The following PDGFD variants were observed in gnomAD, a reference collection of about 807,000 sequenced individuals.
PDGFD encodes platelet derived growth factor D.
PDGFD carries 30 observed loss-of-function variants against 44.7 expected under a neutral mutation model. That is an observed-to-expected ratio of 0.67 (90% CI 0.50 to 0.91). The LOEUF (loss-of-function observed/expected upper bound fraction) is 0.91. PDGFD is among the 40% of genes least tolerant of loss of function. The pLI, the probability that PDGFD is intolerant of heterozygous loss-of-function variation, is 0.00. For synonymous variants in PDGFD, 173 were observed against 168.4 expected, an observed-to-expected ratio of 1.03 and a Z score of -0.21; for missense variants, 445 against 457.8, an observed-to-expected ratio of 0.97 and a Z score of 0.25.
chr11:104,083,152 C>A (rs964837539), intron 1 of PDGFD, among the ~76,000 whole-genome samples: 1 of 151,978 alleles, frequency 6.6e-6, no homozygotes, highest in Non-Finnish European at 1.5e-5. Context: ...AAATTTAAAT[C>A]CATGAAATTG....
chr11:104,015,763 T>C (rs1859851249), intron 1 of PDGFD, among the ~76,000 whole-genome samples: 3 of 152,212 alleles, frequency 2.0e-5, no homozygotes, highest in Admixed American at 2.0e-4. Context: ...CAATATCATG[T>C]GAGAGTTTTG....
intron 1 of PDGFD, among the ~76,000 whole-genome samples, chr11:104,080,670 C>T (rs1861032308): frequency 6.6e-6 from 1 of 152,190 alleles, no homozygotes; most frequent in Admixed American, 6.5e-5. Context: ...TTGTGTAGCA[C>T]CCTTATGCTT....
At chr11:104,108,754 G>A (rs1023135369) in intron 1 of PDGFD, among the ~76,000 whole-genome samples, 2 of 152,048 alleles carry the variant, frequency 1.3e-5, no homozygotes, top group Admixed American at 1.3e-4. Context: ...ATGCACACGT[G>A]TGTTTATTGT....
intron 3 of PDGFD, among the ~76,000 whole-genome samples, chr11:103,958,005 G>A (rs967604363): frequency 2.6e-5 from 4 of 151,752 alleles, no homozygotes; most frequent in East Asian, 1.9e-4. Context: ...ATCTGTTGCC[G>A]AAGAGCTAGG....
chr11:104,091,638 A>T (rs561347116), intron 1 of PDGFD, among the ~76,000 whole-genome samples: 18 of 152,320 alleles, frequency 1.2e-4, no homozygotes, highest in Non-Finnish European at 2.5e-4. Context: ...ATGCCCTTCA[A>T]TGAGGCCTAA....
chr11:104,122,170 G>A (rs889708912), intron 1 of PDGFD, among the ~76,000 whole-genome samples: 13 of 148,948 alleles, frequency 8.7e-5, no homozygotes, highest in African/African-American at 3.2e-4. Flanking sequence ...AAGCAAGCTG[G>A]AAGCTTGCAC....
intron 1 of PDGFD, among the ~76,000 whole-genome samples, chr11:104,095,302 G>A (rs1861268513): frequency 6.6e-6 from 1 of 150,834 alleles, no homozygotes; most frequent in Non-Finnish European, 1.5e-5. Context: ...TTTCAATACT[G>A]TATACGCAGC....
intron 1 of PDGFD, among the ~76,000 whole-genome samples, chr11:104,023,177 A>T (rs1217087702): frequency 6.6e-6 from 1 of 152,166 alleles, no homozygotes; most frequent in African/African-American, 2.4e-5. Flanking sequence ...TCCTCAAAAA[A>T]CATATAATTA....
At chr11:104,108,025 C>T (rs574379758) in intron 1 of PDGFD, among the ~76,000 whole-genome samples, 19 of 152,150 alleles carry the variant, frequency 1.2e-4, no homozygotes, top group African/African-American at 3.9e-4. Context: ...AATGGACTTA[C>T]AGAGATTGCA....
chr11:104,036,977 G>A, intron 1 of PDGFD: 3 of 1,614,212 alleles, frequency 1.9e-6, no homozygotes, highest in Non-Finnish European at 2.5e-6. Context: ...CACATGGAGC[G>A]ACTCCTCATC....
At chr11:103,994,262 A>G (rs1035593231) in intron 3 of PDGFD, among the ~76,000 whole-genome samples, 1 of 152,238 alleles carries the variant, frequency 6.6e-6, no homozygotes, top group South Asian at 2.1e-4. Context: ...AAGGCAAAAA[A>G]TAATTCTTCT....
intron 1 of PDGFD, among the ~76,000 whole-genome samples, chr11:104,143,568 G>C (rs1862118002): frequency 6.6e-6 from 1 of 152,142 alleles, no homozygotes; most frequent in African/African-American, 2.4e-5. Context: ...CCCCAGTTCT[G>C]GGATAGAAGC....
At chr11:104,018,844 T>C (rs1859902629) in intron 1 of PDGFD, among the ~76,000 whole-genome samples, 1 of 152,266 alleles carries the variant, frequency 6.6e-6, no homozygotes, top group African/African-American at 2.4e-5. Flanking sequence ...GTAGTATTAA[T>C]GCTGTTGCGG....
At chr11:104,091,455 A>G (rs1347796594) in intron 1 of PDGFD, among the ~76,000 whole-genome samples, 1 of 152,146 alleles carries the variant, frequency 6.6e-6, no homozygotes, top group Non-Finnish European at 1.5e-5. Context: ...GAAACACTTT[A>G]CCCAATGTGA....
intron 5 of PDGFD, among the ~76,000 whole-genome samples, chr11:103,940,624 A>T (rs1858568526): frequency 6.6e-6 from 1 of 152,136 alleles, no homozygotes; most frequent in Non-Finnish European, 1.5e-5. Flanking sequence ...TAAGTTCTCA[A>T]AGCAGAAAAT....
intron 1 of PDGFD, among the ~76,000 whole-genome samples, chr11:104,097,162 C>T (rs956241940): frequency 1.3e-5 from 2 of 152,074 alleles, no homozygotes; most frequent in African/African-American, 4.8e-5. Context: ...TGCTATTTTG[C>T]GCAGTGCTAA....
At position 103,908,355 on chromosome 11, in the gene PDGFD, C is replaced by G. The variant is rs982038213; in HGVS notation, c.*1339G>C. Reference sequence around the variant, plus strand: ...CCATTAACCAATGTAAAACAGTTTTCTATTAAACAGTAGGACAGCAGGGCC... The same window carrying G: ...CCATTAACCAATGTAAAACAGTTTTGTATTAAACAGTAGGACAGCAGGGCC... On this transcript the variant is annotated 3_prime_UTR_variant, in exon 7 of 7. Transcript: ENST00000393158. 2 of 152,016 alleles carry G rather than the reference C, an allele frequency of 1.3e-5. No individual in the cohort carries two copies. The highest frequency in any genetic ancestry group is 4.8e-5 in the African/African-American group (2 of 41,292). 9.4% of individuals were successfully genotyped at this position (152,016 alleles called of 1,614,324 possible).
At chr11:103,956,186 A>G (rs1858843277) in intron 3 of PDGFD, among the ~76,000 whole-genome samples, 1 of 150,920 alleles carries the variant, frequency 6.6e-6, no homozygotes, top group South Asian at 2.1e-4. Flanking sequence ...AGCATTAGGT[A>G]TATCTCCTAA....
intron 1 of PDGFD, among the ~76,000 whole-genome samples, chr11:104,124,484 T>A (rs149835790): frequency 3.8e-4 from 58 of 152,228 alleles, no homozygotes; most frequent in Non-Finnish European, 5.9e-4. Context: ...AAGGCCCTCA[T>A]CTTCACCACG....
Sources: allele counts gnomAD v4.1 joint callset (sites outside exome capture counted in the v4.1 genomes callset), GRCh38; gene constraint gnomAD v4.1.1; transcripts MANE v1.5; gene names NCBI Gene and HGNC (gene_info 2026-07-23, HGNC 2026-07-21).